Variants in RGS12 observed in about 807,000 individuals in gnomAD.
RGS12 encodes the protein regulator of G-protein signaling 12.
In RGS12, 66 loss-of-function variants were observed where a neutral mutation model predicts 120.1. The observed-to-expected ratio is 0.55, with a 90% CI of 0.45 to 0.67. The LOEUF is 0.67. Among genes scored for constraint, RGS12 ranks in the 30% least tolerant of loss-of-function variants. The pLI is 0.00. For synonymous variants in RGS12, 827 were observed against 804.7 expected (o/e 1.03, Z -0.47); for missense variants, 1,859 against 1,957.7 (o/e 0.95, Z 0.95).
chr4:3,377,828 T>C (rs376380595), intron 3 of RGS12, among the ~76,000 whole-genome samples: 1 of 152,276 alleles, frequency 6.6e-6, no homozygotes, highest in East Asian at 1.9e-4. Context: ...GGACTTAAGT[T>C]ACATTTTAAA....
upstream of RGS12, among the ~76,000 whole-genome samples, chr4:3,290,575 C>T (rs937917737): frequency 6.6e-5 from 10 of 152,274 alleles, no homozygotes; most frequent in Non-Finnish European, 1.0e-4. Flanking sequence ...CCCCGAGTCC[C>T]GTGGAAGAAT....
At chr4:3,373,465 G>A (rs1443905542) in intron 3 of RGS12, among the ~76,000 whole-genome samples, 1 of 152,232 alleles carries the variant, frequency 6.6e-6, no homozygotes, top group African/African-American at 2.4e-5. Context: ...TCTGTAGCAT[G>A]AGCTTGGTGG....
At chr4:3,289,994 CTTT>C (rs756770126), upstream of RGS12, among the ~76,000 whole-genome samples, 3 of 152,194 alleles carry the variant, frequency 2.0e-5, no homozygotes, top group Non-Finnish European at 2.9e-5. Flanking sequence ...ACATTTCCTT[CTTT>C]TTAAGGCTCC....
intron 14 of RGS12, among the ~76,000 whole-genome samples, chr4:3,427,619 C>G (rs761647057): frequency 6.6e-6 from 1 of 152,152 alleles, no homozygotes; most frequent in Non-Finnish European, 1.5e-5. Context: ...GCCTGTAATC[C>G]CAGCTACATG....
chr4:3,346,736 C>T (rs182819549), intron 3 of RGS12, among the ~76,000 whole-genome samples: 5 of 152,224 alleles, frequency 3.3e-5, no homozygotes, highest in Non-Finnish European at 5.9e-5. Context: ...ACATTGATCA[C>T]ACAAGAAAAA....
intron 1 of RGS12, among the ~76,000 whole-genome samples, chr4:3,306,357 G>C (rs1723966103): frequency 6.6e-6 from 1 of 152,232 alleles, no homozygotes; most frequent in Admixed American, 6.5e-5. Flanking sequence ...CATGAGTTTA[G>C]AGGAGGGTGT....
chr4:3,326,433 A>C (rs1423082438), intron 2 of RGS12, among the ~76,000 whole-genome samples: 1 of 152,122 alleles, frequency 6.6e-6, no homozygotes, highest in Non-Finnish European at 1.5e-5. Context: ...TTTTTTGTAG[A>C]GGTGGAGTCT....
intron 17 of RGS12, among the ~76,000 whole-genome samples, chr4:3,437,134 G>C (rs1324387627): frequency 6.6e-6 from 1 of 152,204 alleles, no homozygotes; most frequent in Non-Finnish European, 1.5e-5. Flanking sequence ...GTGCTGCTCA[G>C]GGCGGGGCCA....
At chr4:3,332,680 T>C (rs969803047) in intron 2 of RGS12, among the ~76,000 whole-genome samples, 3 of 152,234 alleles carry the variant, frequency 2.0e-5, no homozygotes, top group African/African-American at 7.2e-5. Flanking sequence ...CTTTTCCTCA[T>C]GGACTGCGGG....
intron 12 of RGS12, 89 bp from the exon 13 acceptor site, chr4:3,423,426 C>G (rs1723251635): frequency 1.9e-6 from 3 of 1,554,862 alleles, no homozygotes; most frequent in South Asian, 1.2e-5. Context: ...TGAGGGCGGC[C>G]TGGGGCTGTG....
intron 2 of RGS12, among the ~76,000 whole-genome samples, chr4:3,331,930 T>C (rs1711893891): frequency 1.3e-5 from 2 of 152,140 alleles, no homozygotes; most frequent in Admixed American, 6.5e-5. Flanking sequence ...CGTTTGCCCA[T>C]GGGTTTCATC....
chr4:3,380,957 T>C (rs1346100064), intron 3 of RGS12, among the ~76,000 whole-genome samples: 2 of 152,230 alleles, frequency 1.3e-5, no homozygotes, highest in Non-Finnish European at 2.9e-5. Flanking sequence ...CCAGAAAATT[T>C]TTTCTTCTTT....
intron 16 of RGS12, among the ~76,000 whole-genome samples, chr4:3,429,026 C>T (rs889404323): frequency 6.6e-6 from 1 of 152,242 alleles, no homozygotes; most frequent in African/African-American, 2.4e-5. Flanking sequence ...TATGGCCCCA[C>T]CACTGGCTTG....
chr4:3,420,265 T>C lies in RGS12; in HGVS notation c.2762-377T>C, dbSNP rs561464832. On this transcript the variant is annotated intron_variant, in intron 9 of 17. Coordinates refer to ENST00000336727, the MANE Select transcript of RGS12 (RefSeq NM_001394154.1). ...TACATTTGGGGATGAAAGCTCCAGA[T>C]GGAATGGAGGAAAGGCCCTTACCGG... is the stretch of plus-strand genomic sequence containing the variant. 269 of 276,884 alleles carry C rather than the reference T, an allele frequency of 9.7e-4. 1 individual carries two copies. The highest frequency in any genetic ancestry group is 4.5e-3 in the Middle Eastern group (4 of 884). The allele number at this position is 276,884 out of a possible 1,614,324, so 17.2% of individuals were successfully genotyped here. A position where few individuals can be genotyped will look rare whatever the true frequency, so the allele number is the denominator to read the frequency against.
intron 9 of RGS12, chr4:3,419,608 G>C (rs1469788910): frequency 6.6e-6 from 1 of 152,196 alleles, no homozygotes; most frequent in African/African-American, 2.4e-5. Context: ...TTTGAGTCTA[G>C]GAGTTCAATA....
chr4:3,411,861 C>G (rs1721768920), intron 4 of RGS12, among the ~76,000 whole-genome samples: 1 of 152,302 alleles, frequency 6.6e-6, no homozygotes. Flanking sequence ...CTTGGCCGCC[C>G]TGTCCTGCGT....
Position 3,428,135 on chromosome 4 carries a change from C to G in RGS12, c.3377C>G (p.Ala1126Gly). 1 of 1,613,732 alleles carries G rather than the reference C, an allele frequency of 6.2e-7. No individual in the cohort carries two copies. Among genetic ancestry groups the G allele is most frequent in the Non-Finnish European group, 8.5e-7 (1 of 1,179,840 alleles). The part of the protein sequence containing the change: ...QKGVPVKQNT[A>G]VNSSSRNHSA... Reference sequence around the variant, plus strand: ...GGTGTGCCAGTGAAACAGAACACAGCTGTAAATTCCAGCTCCAGAAACCAC... The same window carrying G: ...GGTGTGCCAGTGAAACAGAACACAGGTGTAAATTCCAGCTCCAGAAACCAC... Residue 1126 changes from alanine to glycine, a missense_variant, in exon 15 of 18, where the codon GCT becomes GGT. By Grantham distance (60) the Ala-to-Gly change is moderately conservative. Coordinates refer to ENST00000336727, the MANE Select transcript of RGS12 (RefSeq NM_001394154.1).
chr4:3,370,225 T>A (rs1410700621), intron 3 of RGS12: 2 of 1,606,168 alleles, frequency 1.2e-6, no homozygotes, highest in Admixed American at 1.7e-5. Context: ...TGTTGAATGG[T>A]GTGTCTTAGA....
In RGS12 at chr4:3,354,796, T is replaced by C. The variant is rs564365950; in HGVS notation, c.1998+11743T>C. 7.9e-5 allele frequency among the ~76,000 whole-genome samples: 12 copies of C among 152,056 alleles called. No homozygotes were observed. In the South Asian group the frequency reaches 1.2e-3, roughly 16 times the overall value. On this transcript the variant is annotated intron_variant, in intron 3 of 17. Coordinates refer to ENST00000336727, the MANE Select transcript of RGS12 (RefSeq NM_001394154.1). ...TTCAGTGTATACATTAGAAGGAAAA[T>C]AGAATGTCATCTCAAGAAGTTAGAC...
Sources: allele counts gnomAD v4.1 joint callset (sites outside exome capture counted in the v4.1 genomes callset), GRCh38; gene constraint gnomAD v4.1.1; transcripts MANE v1.5; gene names NCBI Gene and HGNC (gene_info 2026-07-23, HGNC 2026-07-21).